Variants in SEZ6L observed in about 807,000 individuals in gnomAD.
SEZ6L encodes the protein seizure related 6 homolog like.
In SEZ6L, 37 loss-of-function variants were observed where a neutral mutation model predicts 106.2. The ratio of observed to expected loss-of-function variants is 0.35; its 90% CI spans 0.27 to 0.46. SEZ6L has a LOEUF of 0.46. Among genes scored for constraint, SEZ6L ranks in the 20% least tolerant of loss-of-function variants. The probability of loss-of-function intolerance (pLI) is 1.00; values close to 1 mark genes in which losing one functional copy is unlikely to be tolerated. For synonymous variants in SEZ6L, 541 were observed against 570.4 expected (o/e 0.95, Z 0.73); for missense variants, 1,172 against 1,332.8 (o/e 0.88, Z 1.88).
At chr22:26,375,841 A>G (rs1484704847) in intron 15 of SEZ6L, 152 bp downstream of exon 15, 6 of 611,140 alleles carry the variant, frequency 9.8e-6, no homozygotes, top group Non-Finnish European at 1.8e-5. Flanking sequence ...GATTCAGCCC[A>G]ACTCTGTGGG....
chr22:26,189,008 T>C (rs535766599), intron 1 of SEZ6L, among the ~76,000 whole-genome samples: 13 of 152,362 alleles, frequency 8.5e-5, no homozygotes, highest in African/African-American at 3.1e-4. Context: ...ATAATTTTTT[T>C]CCGTTACCTT....
At position 26,286,857 on chromosome 22, in the gene SEZ6L, C is replaced by T. The variant is rs564124548; in HGVS notation, c.95-5549C>T. On this transcript the variant is annotated intron_variant, in intron 1 of 16. Transcript: ENST00000248933. ...CCACCTTCTGGGTTTGAGTGATTCT[C>T]CCGCCTCAGCTTCCCAAGTAGCTGG... is the stretch of plus-strand genomic sequence containing the variant. Among the ~76,000 whole-genome samples the T allele has an allele frequency of 9.9e-5, 15 of 151,070 alleles. No individual in the cohort carries two copies. In the South Asian group the frequency reaches 2.5e-3, roughly 25 times the overall value.
chr22:26,357,039 C>G (rs527391563), intron 12 of SEZ6L, among the ~76,000 whole-genome samples: 2 of 151,944 alleles, frequency 1.3e-5, no homozygotes, highest in Admixed American at 1.3e-4. Flanking sequence ...GCAAGCTCCA[C>G]CTCCCGGGTT....
At chr22:26,247,740 T>G (rs1041085241) in intron 1 of SEZ6L, among the ~76,000 whole-genome samples, 2 of 152,214 alleles carry the variant, frequency 1.3e-5, no homozygotes, top group East Asian at 3.9e-4. Context: ...TAATTTGTTG[T>G]GGCAGCTCTC....
At chr22:26,276,578 G>A (rs1003180609) in intron 1 of SEZ6L, among the ~76,000 whole-genome samples, 2 of 152,232 alleles carry the variant, frequency 1.3e-5, no homozygotes, top group Non-Finnish European at 2.9e-5. Context: ...ATAGCATATA[G>A]GTAATTGAAT....
intron 1 of SEZ6L, among the ~76,000 whole-genome samples, chr22:26,291,419 AAC>A (rs951109044): frequency 1.3e-5 from 2 of 150,626 alleles, no homozygotes; most frequent in Non-Finnish European, 2.9e-5. Flanking sequence ...GGAGGGGAGT[AAC>A]ACACACTGGG....
intron 1 of SEZ6L, among the ~76,000 whole-genome samples, chr22:26,219,088 G>A (rs2078381886): frequency 6.6e-6 from 1 of 152,164 alleles, no homozygotes; most frequent in Non-Finnish European, 1.5e-5. Flanking sequence ...CTGGATTCGA[G>A]TGCTGGTTAT....
intron 8 of SEZ6L, among the ~76,000 whole-genome samples, 160 bp from the exon 9 acceptor site, chr22:26,313,586 ACACACACACACACACACG>A (rs1276152613): frequency 0.011 from 980 of 91,506 alleles, 10 homozygotes; most frequent in African/African-American, 0.046. Context: ...ACACACACAC[ACACACACACACACACACG>A]CACACACACA....
chr22:26,319,527 C>A (rs1238827587), intron 9 of SEZ6L, among the ~76,000 whole-genome samples: 1 of 152,206 alleles, frequency 6.6e-6, no homozygotes, highest in Non-Finnish European at 1.5e-5. Flanking sequence ...ACCATATTAG[C>A]CTTCTTGCCA....
Position 26,293,055 on chromosome 22 carries a change from T to G in SEZ6L, c.744T>G (p.Asn248Lys), listed in dbSNP as rs1343352221. The G allele has an allele frequency of 6.2e-7, 1 of 1,613,714 alleles. No individual in the cohort carries two copies. The highest frequency in any genetic ancestry group is 1.3e-5 in the African/African-American group (1 of 74,922). ...SPMALMDKGE[N>K]ELTGSASEES... Reference sequence around the variant, plus strand: ...TGGCCCTGATGGACAAAGGTGAGAATGAGCTGACTGGGTCAGCCTCAGAGG... The same window carrying G: ...TGGCCCTGATGGACAAAGGTGAGAAGGAGCTGACTGGGTCAGCCTCAGAGG... Residue 248 changes from asparagine to lysine, a missense_variant, in exon 2 of 17, where the codon AAT (asparagine) becomes AAG (lysine). Asn to Lys is a moderately conservative substitution (Grantham distance 94). Around this residue, in one of 4 missense-constraint regions of SEZ6L, gnomAD observed 494 missense variants for 445.8 expected, o/e 1.11. Coordinates refer to ENST00000248933, the MANE Select transcript of SEZ6L (RefSeq NM_021115.5).
intron 1 of SEZ6L, among the ~76,000 whole-genome samples, chr22:26,207,038 C>G (rs1273981004): frequency 6.6e-6 from 1 of 152,126 alleles, no homozygotes; most frequent in Admixed American, 6.5e-5. Flanking sequence ...TTGTTTAAAG[C>G]AAAAAGCATA....
At chr22:26,369,569 T>C (rs2083952081) in intron 13 of SEZ6L, among the ~76,000 whole-genome samples, 1 of 151,720 alleles carries the variant, frequency 6.6e-6, no homozygotes. Flanking sequence ...CTCGATCTCC[T>C]GACCTCGTGA....
chr22:26,335,152 C>T (rs2082606771), intron 9 of SEZ6L, among the ~76,000 whole-genome samples: 2 of 152,160 alleles, frequency 1.3e-5, no homozygotes, highest in African/African-American at 4.8e-5. Context: ...GTAAGCTCCT[C>T]TTTGCATTGA....
At chr22:26,187,950 C>T (rs1172545932) in intron 1 of SEZ6L, among the ~76,000 whole-genome samples, 10 of 152,180 alleles carry the variant, frequency 6.6e-5, no homozygotes, top group Non-Finnish European at 1.2e-4. Context: ...GATTTAAAGC[C>T]GGGGAAGTGG....
chr22:26,220,898 TG>T, intron 1 of SEZ6L, among the ~76,000 whole-genome samples: 1 of 145,062 alleles, frequency 6.9e-6, no homozygotes. Context: ...TATGAATGGA[TG>T]GATGGATGGA....
At chr22:26,189,839 G>A (rs555883752) in intron 1 of SEZ6L, among the ~76,000 whole-genome samples, 3 of 152,024 alleles carry the variant, frequency 2.0e-5, no homozygotes, top group East Asian at 1.9e-4. Context: ...GGCTCACGCC[G>A]GTAATCCCAG....
At chr22:26,297,161 G>T in intron 4 of SEZ6L, 81 bp downstream of exon 4, 1 of 1,182,836 alleles carries the variant, frequency 8.5e-7, no homozygotes, top group African/African-American at 1.5e-5. Flanking sequence ...AACTTTTTGT[G>T]CCAGGGACCT....
intron 13 of SEZ6L, among the ~76,000 whole-genome samples, chr22:26,367,210 A>C (rs539682411): frequency 9.3e-4 from 141 of 152,150 alleles, no homozygotes; most frequent in African/African-American, 3.3e-3. Context: ...AAATGTAAGG[A>C]GGTGACCAAG....
chr22:26,260,970 T>C (rs919613025), intron 1 of SEZ6L, among the ~76,000 whole-genome samples: 3 of 152,250 alleles, frequency 2.0e-5, no homozygotes, highest in Admixed American at 6.5e-5. Context: ...GATTTTCATT[T>C]CCCTGATCAT....
Sources: allele counts gnomAD v4.1 joint callset (sites outside exome capture counted in the v4.1 genomes callset), GRCh38; gene constraint gnomAD v4.1.1; regional missense constraint gnomAD v4.1.1; transcripts MANE v1.5; gene names NCBI Gene and HGNC (gene_info 2026-07-23, HGNC 2026-07-21).